Variants in NOP58 observed in about 807,000 individuals in gnomAD.
NOP58 encodes nucleolar protein 58.
A neutral mutation model predicts 71.2 loss-of-function variants in NOP58; 44 were observed. That is an observed-to-expected ratio of 0.62 (90% CI 0.49 to 0.79). NOP58 has a LOEUF of 0.79. NOP58 is among the 30% of genes least tolerant of loss of function. The probability of loss-of-function intolerance (pLI) is 0.00; values close to 1 mark genes in which losing one functional copy is unlikely to be tolerated. For missense variants in NOP58, 538 were observed against 620.2 expected (o/e 0.87, Z 1.41); for synonymous variants, 228 against 200.3 (o/e 1.14, Z -1.17).
intron 12 of NOP58, among the ~76,000 whole-genome samples, chr2:202,299,450 CT>C (rs1228834939): frequency 6.6e-6 from 1 of 151,094 alleles, no homozygotes; most frequent in Admixed American, 6.6e-5. Context: ...GCCATACATT[CT>C]GCAATATTTA....
rs766126376 is a variant in NOP58 at position 202,282,409 on chromosome 2, A to G, written c.234A>G (p.Lys78=). 7 of 1,613,648 alleles carry G rather than the reference A, an allele frequency of 4.3e-6. No individual in the cohort carries two copies. The highest frequency in any genetic ancestry group is 5.1e-6 in the Non-Finnish European group (6 of 1,179,936). ...AGCAGCTGAAAAAAGTTCTGAAGAA[A>G]ATAGTAAAAGAAGCCCATGAACCGC... ...INKQLKKVLK[K]IVKEAHEPLA... Residue 78 remains lysine (K), a synonymous_variant, in exon 4 of 15, where the codon AAA becomes AAG. Coordinates refer to ENST00000264279, the MANE Select transcript of NOP58 (RefSeq NM_015934.5).
At chr2:202,283,226 T>C (rs1688734553) in intron 4 of NOP58, among the ~76,000 whole-genome samples, 1 of 152,024 alleles carries the variant, frequency 6.6e-6, no homozygotes, top group Non-Finnish European at 1.5e-5. Flanking sequence ...AATTATTTTA[T>C]TTTATTTTAT....
At chr2:202,266,649 T>C (rs1213695833) in intron 1 of NOP58, among the ~76,000 whole-genome samples, 2 of 152,210 alleles carry the variant, frequency 1.3e-5, no homozygotes, top group Admixed American at 6.5e-5. Context: ...AATGACCTGC[T>C]AATTTGTCTT....
At position 202,286,009 on chromosome 2, in the gene NOP58, C is replaced by T. The variant is rs1409908748; in HGVS notation, c.434+1528C>T. ...GGAGATCGAGACCACGGTGAAACCT[C>T]GTCTCTACTAAAAATACAAAAAATT... On this transcript the variant is annotated intron_variant, in intron 5 of 14. Transcript: ENST00000264279. Among the ~76,000 whole-genome samples, 6 of 151,630 alleles carry T rather than the reference C, an allele frequency of 4.0e-5. No homozygotes were observed. In the South Asian group the frequency reaches 8.3e-4, roughly 21 times the overall value.
At chr2:202,282,213 T>G in intron 3 of NOP58, 138 bp from the exon 4 acceptor site, 1 of 662,942 alleles carries the variant, frequency 1.5e-6, no homozygotes, top group South Asian at 2.1e-5. Flanking sequence ...ATAAAACATA[T>G]ATCATTTCAT....
At position 202,299,169 on chromosome 2, in the gene NOP58, A is replaced by G. The variant is rs975008541; in HGVS notation, c.1269-1065A>G. 3.3e-5 allele frequency among the ~76,000 whole-genome samples: 5 copies of G among 152,092 alleles called. No homozygotes were observed. The South Asian group carries it at 8.3e-4, about 25-fold the overall frequency. ...GAGTCGGGGTTTCATCATGTTGGCC[A>G]GGATGGTCTTGATCTCCTGACCTCG... On this transcript the variant is annotated intron_variant, in intron 12 of 14. Coordinates refer to ENST00000264279, the MANE Select transcript of NOP58 (RefSeq NM_015934.5).
At chr2:202,284,518 AT>A in intron 5 of NOP58, 37 bp downstream of exon 5, 1 of 1,607,360 alleles carries the variant, frequency 6.2e-7, no homozygotes, top group South Asian at 1.1e-5. Flanking sequence ...ACTTACTTTT[AT>A]TTGATAAGCG....
intron 4 of NOP58, 57 bp downstream of exon 4, chr2:202,282,529 T>C: frequency 6.5e-7 from 1 of 1,540,000 alleles, no homozygotes; most frequent in Non-Finnish European, 8.7e-7. Context: ...GCATACCAAC[T>C]ACAAAGCCTA....
chr2:202,288,403 G>T (rs140481340), intron 6 of NOP58, among the ~76,000 whole-genome samples: 14,629 of 151,156 alleles, frequency 0.097, 904 homozygotes, highest in South Asian at 0.23. Flanking sequence ...AGAATCACTT[G>T]AACCCTGGAG....
intron 6 of NOP58, among the ~76,000 whole-genome samples, chr2:202,289,974 C>T (rs947473522): frequency 6.6e-6 from 1 of 151,314 alleles, no homozygotes; most frequent in Non-Finnish European, 1.5e-5. Context: ...AAATTTTTTG[C>T]GACGGAATCT....
At chr2:202,266,487 T>C (rs1036527213) in intron 1 of NOP58, among the ~76,000 whole-genome samples, 9 of 152,010 alleles carry the variant, frequency 5.9e-5, no homozygotes, top group Middle Eastern at 3.4e-3. Context: ...TGTTTGTTTG[T>C]TTGCTTTTAG....
chr2:202,267,953 AC>A (rs1688445233), intron 1 of NOP58, among the ~76,000 whole-genome samples: 1 of 152,196 alleles, frequency 6.6e-6, no homozygotes, highest in Admixed American at 6.5e-5. Flanking sequence ...TAAAGAAATA[AC>A]TAGTTAAGCT....
chr2:202,268,426 T>C (rs1688453651), intron 1 of NOP58, among the ~76,000 whole-genome samples: 2 of 151,068 alleles, frequency 1.3e-5, no homozygotes, highest in Non-Finnish European at 1.5e-5. Context: ...TCTCAGCTAC[T>C]TGGGAGGCTG....
At chr2:202,300,801 C>A (rs570914228) in intron 13 of NOP58, among the ~76,000 whole-genome samples, 147 of 152,302 alleles carry the variant, frequency 9.7e-4, no homozygotes, top group African/African-American at 3.4e-3. Context: ...GTCATAGTTA[C>A]AATATCTAAC....
chr2:202,267,152 A>G (rs1045380072), intron 1 of NOP58, among the ~76,000 whole-genome samples: 2 of 152,048 alleles, frequency 1.3e-5, no homozygotes, highest in Non-Finnish European at 2.9e-5. Context: ...GTGCGGTGCA[A>G]CTCTTCTGAG....
chr2:202,301,095 G>A (rs1209913154), intron 13 of NOP58, among the ~76,000 whole-genome samples: 2 of 152,082 alleles, frequency 1.3e-5, no homozygotes, highest in Non-Finnish European at 2.9e-5. Flanking sequence ...AGTAGCATTT[G>A]AGGCACCAAA....
chr2:202,269,316 C>T (rs946048269), intron 1 of NOP58, among the ~76,000 whole-genome samples: 4 of 148,554 alleles, frequency 2.7e-5, no homozygotes, highest in Middle Eastern at 3.2e-3. Flanking sequence ...GGATTACAGG[C>T]GTGAGCCACC....
chr2:202,271,250 T>C (rs1177397612), intron 1 of NOP58, among the ~76,000 whole-genome samples: 2 of 151,806 alleles, frequency 1.3e-5, no homozygotes, highest in African/African-American at 4.8e-5. Flanking sequence ...GACAGGTCAA[T>C]TGGGAGTGTA....
chr2:202,300,606 C>T (rs1689074777), intron 13 of NOP58, among the ~76,000 whole-genome samples: 1 of 152,156 alleles, frequency 6.6e-6, no homozygotes, highest in Non-Finnish European at 1.5e-5. Context: ...AGTTCCAAAA[C>T]TTCATTTCTC....
Sources: allele counts gnomAD v4.1 joint callset (sites outside exome capture counted in the v4.1 genomes callset), GRCh38; gene constraint gnomAD v4.1.1; transcripts MANE v1.5; gene names NCBI Gene and HGNC (gene_info 2026-07-23, HGNC 2026-07-21).